KRT25: variants seen among roughly 807,000 people sequenced by gnomAD.
KRT25 encodes the protein keratin, type I cytoskeletal 25.
KRT25 carries 37 observed loss-of-function variants against 47.6 expected under a neutral mutation model. The ratio of observed to expected loss-of-function variants is 0.78; its 90% CI spans 0.60 to 1.02. KRT25 has a LOEUF of 1.02. Among genes scored for constraint, KRT25 ranks in the 50% least tolerant of loss-of-function variants. The pLI, the probability that KRT25 is intolerant of heterozygous loss-of-function variation, is 0.00. For synonymous variants in KRT25, 203 were observed against 210.2 expected (o/e 0.97, Z 0.30); for missense variants, 542 against 550.3 (o/e 0.98, Z 0.15).
chr17:40,754,644 G>C (rs2038087548), intron 1 of KRT25, among the ~76,000 whole-genome samples, 176 bp from the exon 2 acceptor site: 1 of 149,920 alleles, frequency 6.7e-6, no homozygotes, highest in Admixed American at 6.7e-5. Flanking sequence ...CTTGAACCCA[G>C]GAGGTGGAGG....
At chr17:40,748,736 A>G (rs1175729499) in intron 7 of KRT25, among the ~76,000 whole-genome samples, 1 of 152,248 alleles carries the variant, frequency 6.6e-6, no homozygotes, top group African/African-American at 2.4e-5. Context: ...AATAGAAAAC[A>G]TTCTACCATA....
chr17:40,750,941 G>C lies in KRT25; in HGVS notation c.957+13C>G. 6.2e-7 allele frequency: 1 copy of C among 1,612,984 alleles called. No homozygotes were observed. The highest frequency in any genetic ancestry group is 8.5e-7 in the Non-Finnish European group (1 of 1,179,254). ...ACCTGGGAGATGGTGAAAAAAAATT[G>C]TTCTTTTCATACCGTGGCTAGGAGA... is the stretch of plus-strand genomic sequence containing the variant. On this transcript the variant is annotated intron_variant, in intron 5 of 7. Transcript: ENST00000312150.
Position 40,748,309 on chromosome 17 carries a change from G to A in KRT25, c.1321C>T (p.His441Tyr). Residue 441 changes from histidine (H) to tyrosine (Y), a missense_variant, in exon 8 of 8, where the codon CAC (histidine) becomes TAC (tyrosine). Coordinates refer to ENST00000312150, the MANE Select transcript of KRT25 (RefSeq NM_181534.4). ...CTTTGAGATTTCTCTTCCAGGGAGT[G>A]GAGCCTGGTGGTAAGTATTTTGCTG... ...QRSKILTTRLHSLEEKSQSN is the reference protein window; with the variant it reads ...QRSKILTTRLYSLEEKSQSN 1.2e-6 allele frequency: 2 copies of A among 1,612,272 alleles called. No homozygotes were observed. The highest frequency in any genetic ancestry group is 2.2e-5 in the South Asian group (2 of 90,674).
At chr17:40,754,078 T>A in intron 2 of KRT25, 62 bp from the exon 3 acceptor site, 1 of 1,491,384 alleles carries the variant, frequency 6.7e-7, no homozygotes, top group Non-Finnish European at 9.3e-7. Context: ...CACTAGTCAC[T>A]GATCAATGAC....
intron 7 of KRT25, 87 bp from the exon 8 acceptor site, chr17:40,748,473 A>G: frequency 1.2e-6 from 1 of 827,786 alleles, no homozygotes; most frequent in South Asian, 1.8e-5. Context: ...GGATTTGCAT[A>G]CAGAATGAAC....
upstream of KRT25, chr17:40,755,383 G>T: frequency 1.0e-6 from 1 of 995,922 alleles, no homozygotes; most frequent in Non-Finnish European, 1.5e-6. Flanking sequence ...AGTGTGTTCT[G>T]AATGAAATTC....
At chr17:40,750,836 T>C in intron 5 of KRT25, 118 bp downstream of exon 5, 1 of 1,353,704 alleles carries the variant, frequency 7.4e-7, no homozygotes. Flanking sequence ...TCTTTCCTTA[T>C]GTTTTGAGAC....
At position 40,753,865 on chromosome 17, in the gene KRT25, T is replaced by C. The variant is rs749543783; in HGVS notation, c.664A>G (p.Lys222Glu). ...EEMTYLKKNH[K>E]EEMQVLQCAA... ...TGTAGACGACCAGCTCTTACCTCTT[T>C]ATGGTTCTTTTTGAGGTAAGTCATC... is the stretch of plus-strand genomic sequence containing the variant. The change falls in exon 3 of 8, where the codon AAA becomes GAA. Residue 222 changes from lysine to glutamate, a missense_variant. Physicochemically the swap from Lys to Glu is moderately conservative, Grantham distance 56. Transcript: ENST00000312150. The C allele has an allele frequency of 1.3e-5, 21 of 1,613,852 alleles. No homozygotes were observed. Among genetic ancestry groups the C allele is most frequent in the East Asian group, 2.2e-5 (1 of 44,884 alleles).
chr17:40,748,216 G>T lies in KRT25; in HGVS notation c.*61C>A. 2 of 1,090,300 alleles carry T rather than the reference G, an allele frequency of 1.8e-6. No individual in the cohort carries two copies. The highest frequency in any genetic ancestry group is 2.7e-6 in the Non-Finnish European group (2 of 741,158). The allele number at this position is 1,090,300 out of a possible 1,614,324, so 67.5% of individuals were successfully genotyped here. ...TTAGACATGCACATTTTTCTGGACA[G>T]ATACATAATGCCTTTTCTTCGCAGG... is the stretch of plus-strand genomic sequence containing the variant. On this transcript the variant is annotated 3_prime_UTR_variant, in exon 8 of 8. Transcript: ENST00000312150.
At chr17:40,750,691 A>G in intron 5 of KRT25, 94 bp from the exon 6 acceptor site, 2 of 1,547,522 alleles carry the variant, frequency 1.3e-6, no homozygotes, top group Non-Finnish European at 1.8e-6. Flanking sequence ...AACTTTACAT[A>G]TAATTGTTTC....
Position 40,753,988 on chromosome 17 carries a change from T to C in KRT25, c.541A>G (p.Ser181Gly), listed in dbSNP as rs776128576. The change falls in exon 3 of 8, where the codon AGT (serine) becomes GGT (glycine). Residue 181 changes from serine (S) to glycine (G), a missense_variant. Transcript: ENST00000312150. Reference sequence around the variant, plus strand: ...AACCCATTGACATCAGCCTCTACACTCTGGTGAAGAGCCAGCTCATTTTCA... The same window carrying C: ...AACCCATTGACATCAGCCTCTACACCCTGGTGAAGAGCCAGCTCATTTTCA... ...KYENELALHQ[S>G]VEADVNGLRR... 1 of 1,614,040 alleles carries C rather than the reference T, an allele frequency of 6.2e-7. No homozygotes were observed. The highest frequency in any genetic ancestry group is 8.5e-7 in the Non-Finnish European group (1 of 1,179,940).
At position 40,750,565 on chromosome 17, in the gene KRT25, G is replaced by A. The variant is rs763086945; in HGVS notation, c.990C>T (p.Thr330=). Residue 330 remains threonine, a synonymous_variant, in exon 6 of 8, where the codon ACC becomes ACT. Coordinates refer to ENST00000312150, the MANE Select transcript of KRT25 (RefSeq NM_181534.4). ...KHSLECSLTE[T]ESNYCAQLAQ... ...CCAGCTGCGCACAGTAGTTGCTCTC[G>A]GTCTCTGTCAAGGAGCACTCCAGGG... 12 of 1,614,180 alleles carry A rather than the reference G, an allele frequency of 7.4e-6. No individual in the cohort carries two copies. The highest frequency in any genetic ancestry group is 2.2e-5 in the South Asian group (2 of 91,082).
chr17:40,753,434 C>A (rs1597793318), intron 3 of KRT25, among the ~76,000 whole-genome samples: 1 of 151,150 alleles, frequency 6.6e-6, no homozygotes, highest in African/African-American at 2.4e-5. Context: ...CGGTGGCTCA[C>A]GCCTGTAATC....
chr17:40,753,751 C>A, intron 3 of KRT25, 109 bp downstream of exon 3: 3 of 328,018 alleles, frequency 9.1e-6, no homozygotes. Flanking sequence ...GTCTGTCTGA[C>A]AATGTGTCTT....
At chr17:40,753,794 C>G in intron 3 of KRT25, 66 bp downstream of exon 3, 2 of 1,249,692 alleles carry the variant, frequency 1.6e-6, no homozygotes, top group Non-Finnish European at 2.2e-6. Flanking sequence ...AGGTTATGTA[C>G]ATTATCTCCT....
chr17:40,754,779 A>G (rs2038089923), intron 1 of KRT25, 64 bp downstream of exon 1: 2 of 1,397,668 alleles, frequency 1.4e-6, no homozygotes, highest in Admixed American at 4.6e-5. Flanking sequence ...AATTTAATAA[A>G]GAAAGGAAAA....
At chr17:40,749,134 T>C (rs1231981566) in intron 7 of KRT25, 124 bp downstream of exon 7, 3 of 708,752 alleles carry the variant, frequency 4.2e-6, no homozygotes, top group East Asian at 5.2e-5. Flanking sequence ...TCAAATAATA[T>C]GCACAACAAA....
intron 6 of KRT25, among the ~76,000 whole-genome samples, chr17:40,749,694 A>T (rs981982809): frequency 6.6e-6 from 1 of 152,158 alleles, no homozygotes; most frequent in Non-Finnish European, 1.5e-5. Flanking sequence ...TTACATTTGG[A>T]AGCATCACTC....
At chr17:40,752,935 G>A (rs1303917464) in intron 3 of KRT25, among the ~76,000 whole-genome samples, 1 of 152,154 alleles carries the variant, frequency 6.6e-6, no homozygotes, top group African/African-American at 2.4e-5. Context: ...GCCTCTGAAA[G>A]CAATCCTAAA....
Sources: gnomAD v4.1 joint callset for allele counts (sites outside exome capture counted in the v4.1 genomes callset) on GRCh38, gnomAD v4.1.1 for gene constraint, MANE v1.5 for transcripts, NCBI Gene and HGNC (gene_info 2026-07-23, HGNC 2026-07-21) for gene names.